WASF2: variants seen among roughly 807,000 people sequenced by gnomAD.
WASF2 encodes actin-binding protein WASF2.
Under a neutral mutation model 45.0 loss-of-function variants are expected in WASF2, and 14 were observed. The observed-to-expected ratio is 0.31, with a 90% CI of 0.21 to 0.49. WASF2 has a LOEUF of 0.49. Among genes scored for constraint, WASF2 ranks in the 20% least tolerant of loss-of-function variants. The probability of loss-of-function intolerance (pLI) is 0.99; values close to 1 mark genes in which losing one functional copy is unlikely to be tolerated. For synonymous variants in WASF2, 200 were observed against 236.3 expected (o/e 0.85, Z 1.41); for missense variants, 439 against 636.1 (o/e 0.69, Z 3.33).
intron 8 of WASF2, among the ~76,000 whole-genome samples, chr1:27,408,928 G>A (rs1192194290): frequency 6.6e-6 from 1 of 152,108 alleles, no homozygotes; most frequent in Non-Finnish European, 1.5e-5. Context: ...GACACGAAGG[G>A]CAGAGCAGTG....
intron 1 of WASF2, among the ~76,000 whole-genome samples, chr1:27,455,487 T>G (rs2017454963): frequency 6.6e-6 from 1 of 152,174 alleles, no homozygotes; most frequent in South Asian, 2.1e-4. Flanking sequence ...GGGCCGAGAC[T>G]GAGAAAAATC....
At chr1:27,481,192 T>C (rs1298676478) in intron 1 of WASF2, among the ~76,000 whole-genome samples, 1 of 139,612 alleles carries the variant, frequency 7.2e-6, no homozygotes, top group Non-Finnish European at 1.5e-5. Flanking sequence ...TAGTCCCAGC[T>C]ACTCAGGAGG....
chr1:27,446,718 T>C (rs549063398), intron 1 of WASF2, among the ~76,000 whole-genome samples: 4 of 150,634 alleles, frequency 2.7e-5, no homozygotes, highest in East Asian at 1.9e-4. Flanking sequence ...GAGGTGGAGA[T>C]TGCAGTGCGC....
chr1:27,409,606 G>A, intron 8 of WASF2, 86 bp downstream of exon 8: 1 of 1,372,254 alleles, frequency 7.3e-7, no homozygotes, highest in Non-Finnish European at 9.5e-7. Flanking sequence ...GAAGGGCACA[G>A]GGACCCCCTC....
rs370943009 is a variant in WASF2, at chr1:27,443,836, G to C, written c.-43-14903C>G. On this transcript the variant is annotated intron_variant, in intron 1 of 8. Transcript: ENST00000618852. ...CTCTTTTGCCCCGGCTGGAGTGCAG[G>C]GGGGGGTGATCTCAGCTCACTGCAA... Among the ~76,000 whole-genome samples, 69 of 151,670 alleles carry C rather than the reference G, an allele frequency of 4.5e-4. No individual in the cohort carries two copies. In the East Asian group the frequency reaches 9.1e-3, roughly 20 times the overall value.
chr1:27,417,908 G>GGATCCAT (rs11280326), intron 4 of WASF2, among the ~76,000 whole-genome samples: 115,191 of 151,452 alleles, frequency 0.76, 46,763 homozygotes, highest in Non-Finnish European at 0.9. Flanking sequence ...GTTGCCCCTG[G>GGATCCAT]GATCCATGCT....
chr1:27,489,258 A>G (rs1410190444), intron 1 of WASF2, among the ~76,000 whole-genome samples: 7 of 88,274 alleles, frequency 7.9e-5, no homozygotes, highest in Non-Finnish European at 1.1e-4. Flanking sequence ...GCGCGCACAC[A>G]CACACACACA....
chr1:27,434,612 A>T (rs2017107105), intron 1 of WASF2, among the ~76,000 whole-genome samples: 1 of 152,158 alleles, frequency 6.6e-6, no homozygotes, highest in South Asian at 2.1e-4. Flanking sequence ...CAGAGCCCTG[A>T]GGTTATTTAT....
chr1:27,478,815 C>T (rs1387039830), intron 1 of WASF2, among the ~76,000 whole-genome samples: 3 of 152,094 alleles, frequency 2.0e-5, no homozygotes, highest in Non-Finnish European at 2.9e-5. Flanking sequence ...AATTCCCGAC[C>T]TCAGGTGATC....
chr1:27,471,135 G>A (rs1473519118), intron 1 of WASF2, among the ~76,000 whole-genome samples: 2 of 152,036 alleles, frequency 1.3e-5, no homozygotes, highest in Admixed American at 1.3e-4. Context: ...ACGAGGTCAG[G>A]AGATCGAGAC....
At chr1:27,487,810 TTATA>T (rs2017966937) in intron 1 of WASF2, among the ~76,000 whole-genome samples, 1 of 141,238 alleles carries the variant, frequency 7.1e-6, no homozygotes, top group Admixed American at 7.9e-5. Flanking sequence ...TACATATATT[TTATA>T]TATAAGACCA....
intron 1 of WASF2, among the ~76,000 whole-genome samples, chr1:27,441,753 CAAA>C (rs35347075): frequency 1.9e-5 from 1 of 51,716 alleles, no homozygotes. Context: ...GACTCCGTCT[CAAA>C]AAAAAAAAAA....
At chr1:27,472,748 G>A (rs1249365474) in intron 1 of WASF2, among the ~76,000 whole-genome samples, 3 of 149,698 alleles carry the variant, frequency 2.0e-5, no homozygotes, top group Admixed American at 2.0e-4. Flanking sequence ...ATTGCTTGAG[G>A]CCAGGAGTTC....
Position 27,406,940 on chromosome 1 carries a change from A to G in WASF2, c.*1249T>C. On this transcript the variant is annotated 3_prime_UTR_variant, in exon 9 of 9. Transcript: ENST00000618852. ...GAGTTGCAGAGGAATTGAAAGCAGC[A>G]CCTGTCAAAGCTGCCTATCCCCTTC... 1 of 152,370 alleles carries G rather than the reference A, an allele frequency of 6.6e-6. No individual in the cohort carries two copies. The highest frequency in any genetic ancestry group is 1.5e-5 in the Non-Finnish European group (1 of 68,062). The allele number at this position is 152,370 out of a possible 1,614,324, so 9.4% of individuals were successfully genotyped here. A position where few individuals can be genotyped will look rare whatever the true frequency, so the allele number is the denominator to read the frequency against.
At chr1:27,435,338 C>A (rs1004416783) in intron 1 of WASF2, among the ~76,000 whole-genome samples, 1 of 152,240 alleles carries the variant, frequency 6.6e-6, no homozygotes, top group Admixed American at 6.5e-5. Context: ...GTAATCCCAA[C>A]ACTTTGGGAG....
At chr1:27,481,945 A>G (rs1179906204) in intron 1 of WASF2, among the ~76,000 whole-genome samples, 29 of 152,292 alleles carry the variant, frequency 1.9e-4, no homozygotes, top group Non-Finnish European at 4.1e-4. Flanking sequence ...ATACTTCTAT[A>G]TCTGAACATT....
chr1:27,464,465 T>C (rs756553322), intron 1 of WASF2, among the ~76,000 whole-genome samples: 2 of 152,096 alleles, frequency 1.3e-5, no homozygotes, highest in African/African-American at 2.4e-5. Context: ...TTACAATTAG[T>C]CTGTGAGGTT....
intron 1 of WASF2, among the ~76,000 whole-genome samples, chr1:27,485,872 C>T (rs914410228): frequency 1.3e-5 from 2 of 152,052 alleles, no homozygotes; most frequent in Non-Finnish European, 2.9e-5. Context: ...CCACCACACC[C>T]GGCTAATTTT....
intron 1 of WASF2, among the ~76,000 whole-genome samples, chr1:27,456,221 C>A (rs1407582345): frequency 6.7e-6 from 1 of 148,774 alleles, no homozygotes; most frequent in Non-Finnish European, 1.5e-5. Flanking sequence ...ACTCGGGAGG[C>A]TGAGGCAGGA....
Sources: allele counts gnomAD v4.1 joint callset (sites outside exome capture counted in the v4.1 genomes callset), GRCh38; gene constraint gnomAD v4.1.1; transcripts MANE v1.5; gene names NCBI Gene and HGNC (gene_info 2026-07-23, HGNC 2026-07-21).